PTPRG: variants seen among roughly 807,000 people sequenced by gnomAD.
PTPRG encodes receptor-type tyrosine-protein phosphatase gamma.
Under a neutral mutation model 165.3 loss-of-function variants are expected in PTPRG, and 102 were observed. The observed-to-expected ratio is 0.62, with a 90% CI of 0.53 to 0.73. The LOEUF is 0.73. Ranked by LOEUF, PTPRG falls within the 30% of genes least tolerant of loss-of-function variation. The pLI, the probability that PTPRG is intolerant of heterozygous loss-of-function variation, is 0.00. For synonymous variants in PTPRG, 675 were observed against 669.5 expected (o/e 1.01, Z -0.13); for missense variants, 1,866 against 1,861.4 (o/e 1.00, Z -0.05).
At position 62,037,353 on chromosome 3, in the gene PTPRG, C is replaced by T. The variant is rs569773886; in HGVS notation, c.519+33856C>T. Reference sequence around the variant, plus strand: ...TGTCTCAATTGATGTCTCCAATCCTCATTTCTTACCTTTAATCTACCTCTC... The same window carrying T: ...TGTCTCAATTGATGTCTCCAATCCTTATTTCTTACCTTTAATCTACCTCTC... On this transcript the variant is annotated intron_variant, in intron 4 of 29. Coordinates refer to ENST00000474889, the MANE Select transcript of PTPRG (RefSeq NM_002841.4). Among the ~76,000 whole-genome samples, 5 of 152,320 alleles carry T rather than the reference C, an allele frequency of 3.3e-5. No homozygotes were observed. The East Asian group carries it at 7.7e-4, about 24-fold the overall frequency.
chr3:61,900,047 A>C (rs2038459390), intron 2 of PTPRG, among the ~76,000 whole-genome samples: 1 of 152,208 alleles, frequency 6.6e-6, no homozygotes, highest in East Asian at 1.9e-4. Flanking sequence ...TAAAAAATGT[A>C]ATTTTCTAAC....
At position 62,217,849 on chromosome 3, in the gene PTPRG, G is replaced by A. The variant is rs1202978842; in HGVS notation, c.2156-1002G>A. On this transcript the variant is annotated intron_variant, in intron 12 of 29. Coordinates refer to ENST00000474889, the MANE Select transcript of PTPRG (RefSeq NM_002841.4). This position sits in a 1 kb window ranked among gnomAD's most constrained non-coding sequence, Gnocchi z 4.3. ...TCTGAAGACATTCAGGGCCTGGAGAGGTGGAGGAAGGAGCTGCCTGGTTAA... is the reference window on the plus strand; with the variant it reads ...TCTGAAGACATTCAGGGCCTGGAGAAGTGGAGGAAGGAGCTGCCTGGTTAA... 1 of 152,428 alleles carries A rather than the reference G, an allele frequency of 6.6e-6. No individual in the cohort carries two copies. Among genetic ancestry groups the A allele is most frequent in the East Asian group, 1.9e-4 (1 of 5,188 alleles). The allele number at this position is 152,428 out of a possible 1,614,324, so 9.4% of individuals were successfully genotyped here.
intron 1 of PTPRG, among the ~76,000 whole-genome samples, chr3:61,662,351 G>A (rs1021578953): frequency 6.6e-6 from 1 of 152,128 alleles, no homozygotes; most frequent in African/African-American, 2.4e-5. Flanking sequence ...CCTGTGGAGG[G>A]GCCTGTGTTG....
rs932698264 is a variant in PTPRG, at chr3:62,229,849, C to T, written c.2289-1376C>T. Among the ~76,000 whole-genome samples the T allele has an allele frequency of 1.3e-5, 2 of 152,184 alleles. No individual in the cohort carries two copies. Among genetic ancestry groups the T allele is most frequent in the Non-Finnish European group, 2.9e-5 (2 of 68,036 alleles). On this transcript the variant is annotated intron_variant, in intron 13 of 29. Coordinates refer to ENST00000474889, the MANE Select transcript of PTPRG (RefSeq NM_002841.4). The surrounding 1 kb of genome is among the most constrained non-coding windows in gnomAD (Gnocchi z 4.6). ...TGTGATTGTGTGTGAGGAAAAACTGCGGAGATAGCCGGCTCTGCTCCAAAA... is the reference window on the plus strand; with the variant it reads ...TGTGATTGTGTGTGAGGAAAAACTGTGGAGATAGCCGGCTCTGCTCCAAAA...
At chr3:61,702,704 T>C (rs2031037736) in intron 1 of PTPRG, among the ~76,000 whole-genome samples, 1 of 152,232 alleles carries the variant, frequency 6.6e-6, no homozygotes, top group Non-Finnish European at 1.5e-5. Flanking sequence ...GTAACCACTA[T>C]TGTATTTCCA....
intron 2 of PTPRG, among the ~76,000 whole-genome samples, chr3:61,988,555 A>T (rs2040814905): frequency 6.6e-6 from 1 of 152,210 alleles, no homozygotes; most frequent in Non-Finnish European, 1.5e-5. Context: ...GGTATACAGG[A>T]GGCACAAAAA....
chr3:61,674,183 TA>T (rs11335275), intron 1 of PTPRG, among the ~76,000 whole-genome samples: 48,115 of 143,910 alleles, frequency 0.33, 8,271 homozygotes, highest in African/African-American at 0.47. Context: ...ATAATAATAA[TA>T]AAAAAAAAAA....
chr3:61,849,497 T>C (rs2036899820), intron 2 of PTPRG, among the ~76,000 whole-genome samples: 1 of 151,966 alleles, frequency 6.6e-6, no homozygotes, highest in East Asian at 1.9e-4. Flanking sequence ...TAAAACAGAG[T>C]CTCGCACCCT....
At chr3:61,633,638 A>T (rs1273396876) in intron 1 of PTPRG, among the ~76,000 whole-genome samples, 1 of 152,196 alleles carries the variant, frequency 6.6e-6, no homozygotes, top group Non-Finnish European at 1.5e-5. Flanking sequence ...GCAAATAGAA[A>T]TAGTTTTACT....
intron 2 of PTPRG, among the ~76,000 whole-genome samples, chr3:61,950,926 C>A (rs1402299400): frequency 2.0e-5 from 3 of 152,216 alleles, no homozygotes; most frequent in African/African-American, 7.2e-5. Context: ...AATCCTATGT[C>A]CTGTCATGTG....
chr3:62,199,027 T>A (rs541141270), intron 10 of PTPRG, among the ~76,000 whole-genome samples: 42 of 152,314 alleles, frequency 2.8e-4, no homozygotes, highest in African/African-American at 9.4e-4. Context: ...TGGAGATTGT[T>A]CAAGACCAGT....
In PTPRG at chr3:62,011,987, C is replaced by T. The variant is rs150950202; in HGVS notation, c.519+8490C>T. On this transcript the variant is annotated intron_variant, in intron 4 of 29. Transcript: ENST00000474889. Reference sequence around the variant, plus strand: ...AACCTGGTTAAGTTGGAGATACTCTCAGTGTAGAAACTTGGTGACCGTGGT... The same window carrying T: ...AACCTGGTTAAGTTGGAGATACTCTTAGTGTAGAAACTTGGTGACCGTGGT... Among the ~76,000 whole-genome samples the T allele has an allele frequency of 8.5e-4, 129 of 152,326 alleles. No homozygotes were observed. The East Asian group carries it at 0.019, about 22-fold the overall frequency.
rs1700583641 is a variant in PTPRG at position 62,219,008 on chromosome 3, T to C, written c.2288+25T>C. ...GGTAAGCCAGGCAGCACCTACAGCGTAGATTTGGGGGCCAGATGCTGGCCA... is the reference window on the plus strand; with the variant it reads ...GGTAAGCCAGGCAGCACCTACAGCGCAGATTTGGGGGCCAGATGCTGGCCA... On this transcript the variant is annotated intron_variant, in intron 13 of 29. Transcript: ENST00000474889. The surrounding 1 kb of genome is among the most constrained non-coding windows in gnomAD (Gnocchi z 4.5). The C allele has an allele frequency of 6.2e-7, 1 of 1,611,460 alleles. No homozygotes were observed. The highest frequency in any genetic ancestry group is 8.5e-7 in the Non-Finnish European group (1 of 1,178,894).
chr3:62,264,972 A>C (rs1469492956), intron 17 of PTPRG, among the ~76,000 whole-genome samples: 1 of 152,054 alleles, frequency 6.6e-6, no homozygotes, highest in Non-Finnish European at 1.5e-5. Flanking sequence ...AAAAAAAAAA[A>C]AAAACAGCCT....
At chr3:61,661,607 T>A (rs1702670376) in intron 1 of PTPRG, among the ~76,000 whole-genome samples, 2 of 152,224 alleles carry the variant, frequency 1.3e-5, no homozygotes, top group African/African-American at 4.8e-5. Context: ...ACAAGTTTAT[T>A]TCATTTTTGT....
chr3:61,953,502 G>C (rs146371744), intron 2 of PTPRG, among the ~76,000 whole-genome samples: 1 of 152,298 alleles, frequency 6.6e-6, no homozygotes, highest in African/African-American at 2.4e-5. Flanking sequence ...CACTTCTAAA[G>C]GTTACCTACG....
At chr3:62,084,855 T>G (rs1701694382) in intron 5 of PTPRG, among the ~76,000 whole-genome samples, 1 of 152,212 alleles carries the variant, frequency 6.6e-6, no homozygotes, top group African/African-American at 2.4e-5. Flanking sequence ...GGCTTGAGAG[T>G]CTTCATTCAT....
chr3:62,077,435 A>G (rs993383158), intron 4 of PTPRG, among the ~76,000 whole-genome samples: 30 of 152,318 alleles, frequency 2.0e-4, no homozygotes, highest in African/African-American at 5.3e-4. Context: ...ATAGCTGAGT[A>G]TAGTAATTTC....
At chr3:61,808,711 T>C (rs1300289580) in intron 2 of PTPRG, among the ~76,000 whole-genome samples, 1 of 152,032 alleles carries the variant, frequency 6.6e-6, no homozygotes, top group African/African-American at 2.4e-5. Flanking sequence ...TAATACTGAA[T>C]TAAACTCCTC....
Sources: gnomAD v4.1 joint callset for allele counts (sites outside exome capture counted in the v4.1 genomes callset) on GRCh38, gnomAD v4.1.1 for gene constraint, Gnocchi (gnomAD v3.1) non-coding constraint, MANE v1.5 for transcripts, NCBI Gene and HGNC (gene_info 2026-07-23, HGNC 2026-07-21) for gene names.